The following RAPGEF2 variants were observed in gnomAD, a reference collection of about 807,000 sequenced individuals.
RAPGEF2 encodes Rap guanine nucleotide exchange factor 2.
Under a neutral mutation model 186.7 loss-of-function variants are expected in RAPGEF2, and 54 were observed. The ratio of observed to expected loss-of-function variants is 0.29; its 90% CI spans 0.23 to 0.36. The LOEUF (loss-of-function observed/expected upper bound fraction) is 0.36. Ranked by LOEUF, RAPGEF2 falls within the 10% of genes least tolerant of loss-of-function variation. RAPGEF2 has a pLI of 1.00. For synonymous variants in RAPGEF2, 712 were observed against 705.9 expected (o/e 1.01, Z -0.14); for missense variants, 1,532 against 2,045.0 (o/e 0.75, Z 4.84).
At chr4:159,323,678 T>C (rs1249237369) in intron 11 of RAPGEF2, 61 bp downstream of exon 11, 1 of 1,040,228 alleles carries the variant, frequency 9.6e-7, no homozygotes, top group African/African-American at 1.7e-5. Flanking sequence ...TTATATGCCA[T>C]TGTGATGAGA....
chr4:159,325,773 A>G (rs1390870398), intron 11 of RAPGEF2, among the ~76,000 whole-genome samples: 1 of 152,186 alleles, frequency 6.6e-6, no homozygotes, highest in Non-Finnish European at 1.5e-5. Flanking sequence ...AGTCATGTCA[A>G]ATGCACCAGG....
intron 7 of RAPGEF2, among the ~76,000 whole-genome samples, chr4:159,294,637 TCCTTC>T (rs1561227366): frequency 4.6e-5 from 3 of 65,196 alleles, no homozygotes; most frequent in African/African-American, 2.3e-4. Flanking sequence ...TTCCATTTCT[TCCTTC>T]CTTCCTTCCT....
At chr4:159,214,025 A>G (rs945108191) in intron 4 of RAPGEF2, among the ~76,000 whole-genome samples, 7 of 152,254 alleles carry the variant, frequency 4.6e-5, no homozygotes, top group Admixed American at 1.3e-4. Context: ...GAAGCAAGGT[A>G]CAATTTATAG....
intron 4 of RAPGEF2, among the ~76,000 whole-genome samples, chr4:159,217,531 C>T (rs1751102451): frequency 1.3e-5 from 2 of 152,176 alleles, no homozygotes; most frequent in South Asian, 4.1e-4. Context: ...TGTATATGTA[C>T]CACATTGGCT....
rs1282885129 is a variant in RAPGEF2 at position 159,104,013 on chromosome 4, G to T, written c.-150G>T. The T allele has an allele frequency of 1.0e-5, 2 of 192,178 alleles. No homozygotes were observed. Among genetic ancestry groups the T allele is most frequent in the Non-Finnish European group, 1.9e-5 (2 of 105,328 alleles). The allele number at this position is 192,178 out of a possible 1,614,324, so 11.9% of individuals were successfully genotyped here. A position where few individuals can be genotyped will look rare whatever the true frequency, so the allele number is the denominator to read the frequency against. On this transcript the variant is annotated 5_prime_UTR_variant, in exon 1 of 30. Coordinates refer to ENST00000691494, the MANE Select transcript of RAPGEF2 (RefSeq NM_001394067.2). ...CCGGGCCCAGCCGAGCCGCCCCCCC[G>T]CGGGCCCCGCGCCGCCGCCGCCGCG...
chr4:159,307,746 C>T (rs1216036658), intron 8 of RAPGEF2, among the ~76,000 whole-genome samples: 1 of 152,148 alleles, frequency 6.6e-6, no homozygotes, highest in East Asian at 1.9e-4. Context: ...CCAAGGCAGG[C>T]AGATCACTTG....
intron 1 of RAPGEF2, among the ~76,000 whole-genome samples, chr4:159,178,328 T>A (rs753823068): frequency 6.6e-6 from 1 of 152,092 alleles, no homozygotes; most frequent in Non-Finnish European, 1.5e-5. Flanking sequence ...TGGAGAAATA[T>A]TAATCTGCTC....
At chr4:159,211,001 T>G (rs1750464950) in intron 4 of RAPGEF2, among the ~76,000 whole-genome samples, 2 of 152,238 alleles carry the variant, frequency 1.3e-5, no homozygotes, top group African/African-American at 2.4e-5. Flanking sequence ...CCAGGGACTT[T>G]CATTGACATT....
chr4:159,114,057 A>C (rs756420262), intron 1 of RAPGEF2, among the ~76,000 whole-genome samples: 29 of 151,188 alleles, frequency 1.9e-4, no homozygotes, highest in Non-Finnish European at 3.4e-4. Context: ...GGGCTCAAGG[A>C]TCCTCGCACC....
intron 1 of RAPGEF2, among the ~76,000 whole-genome samples, chr4:159,176,306 G>A (rs370454218): frequency 4.6e-5 from 7 of 152,240 alleles, no homozygotes; most frequent in African/African-American, 1.7e-4. Flanking sequence ...GTGCTCTGGA[G>A]GTAACAGGCA....
intron 4 of RAPGEF2, among the ~76,000 whole-genome samples, chr4:159,218,676 T>G (rs928897681): frequency 5.3e-5 from 8 of 152,176 alleles, no homozygotes; most frequent in Admixed American, 5.2e-4. Flanking sequence ...GAGAATCGCT[T>G]GAACCCAGGT....
intron 8 of RAPGEF2, among the ~76,000 whole-genome samples, chr4:159,310,749 C>CT (rs1265605219): frequency 4.6e-5 from 7 of 151,938 alleles, no homozygotes; most frequent in African/African-American, 1.7e-4. Flanking sequence ...CTATGTAAAC[C>CT]TTTCTCCTTG....
chr4:159,334,875 T>C (rs1767180338), intron 17 of RAPGEF2, among the ~76,000 whole-genome samples: 2 of 152,206 alleles, frequency 1.3e-5, no homozygotes, highest in South Asian at 2.1e-4. Context: ...TAGGAAAATA[T>C]ATGGCTCATT....
At chr4:159,126,869 C>CA (rs1440563327) in intron 1 of RAPGEF2, among the ~76,000 whole-genome samples, 3 of 152,216 alleles carry the variant, frequency 2.0e-5, no homozygotes, top group African/African-American at 7.2e-5. Context: ...GAACCCCATT[C>CA]ATGTGCATGG....
intron 1 of RAPGEF2, among the ~76,000 whole-genome samples, chr4:159,128,041 A>ATG: frequency 6.6e-6 from 1 of 152,274 alleles, no homozygotes; most frequent in East Asian, 1.9e-4. Flanking sequence ...ATATTTAGGT[A>ATG]TGTATATATA....
intron 4 of RAPGEF2, among the ~76,000 whole-genome samples, chr4:159,226,715 T>C (rs1752074993): frequency 1.3e-5 from 2 of 152,202 alleles, no homozygotes; most frequent in Admixed American, 1.3e-4. Flanking sequence ...TATTCCTCAG[T>C]ATTTTATGTT....
chr4:159,152,001 A>G (rs771559952), intron 1 of RAPGEF2, among the ~76,000 whole-genome samples: 1 of 152,132 alleles, frequency 6.6e-6, no homozygotes, highest in East Asian at 1.9e-4. Context: ...ACAAGGAGAA[A>G]GTAGAAAGTA....
rs934138759 is a variant in RAPGEF2, at chr4:159,241,368, G to A, written c.525G>A (p.Thr175=). 40 of 1,442,756 alleles carry A rather than the reference G, an allele frequency of 2.8e-5. No homozygotes were observed. The highest frequency in any genetic ancestry group is 4.8e-5 in the Admixed American group (2 of 41,856). 89.4% of individuals were successfully genotyped at this position (1,442,756 alleles called of 1,614,324 possible). Residue 175 remains threonine, a splice_region_variant and synonymous_variant, in exon 6 of 30, where the codon ACG becomes ACA. Transcript: ENST00000691494. ...CTCCTTTGCCTAGAGGCTATCACAC[G>A]GTAAGTTATACAAGTATAATATTTT... The part of the protein sequence containing the change: ...GKPPLPRGYH[T]ECTKSQLPAD...
intron 8 of RAPGEF2, 43 bp downstream of exon 8, chr4:159,304,516 T>G: frequency 6.5e-7 from 1 of 1,545,256 alleles, no homozygotes; most frequent in Non-Finnish European, 8.9e-7. Context: ...TTTTCATTTA[T>G]TCCAAGAAAT....
Sources: allele counts gnomAD v4.1 joint callset (sites outside exome capture counted in the v4.1 genomes callset), GRCh38; gene constraint gnomAD v4.1.1; transcripts MANE v1.5; gene names NCBI Gene and HGNC (gene_info 2026-07-23, HGNC 2026-07-21).